The following GRHL2 variants were observed in gnomAD, a reference collection of about 807,000 sequenced individuals.
The protein encoded by GRHL2 is grainyhead-like protein 2 homolog.
A neutral mutation model predicts 83.8 loss-of-function variants in GRHL2; 21 were observed. The observed-to-expected ratio is 0.25, with a 90% CI of 0.18 to 0.36. The LOEUF (loss-of-function observed/expected upper bound fraction) is 0.36, where lower values mean the gene tolerates loss of function less well. Ranked by LOEUF, GRHL2 falls within the 10% of genes least tolerant of loss-of-function variation. GRHL2 has a pLI of 1.00. For synonymous variants in GRHL2, 280 were observed against 278.9 expected (o/e 1.00, Z -0.04); for missense variants, 623 against 781.8 (o/e 0.80, Z 2.42).
intron 15 of GRHL2, among the ~76,000 whole-genome samples, chr8:101,664,864 G>A (rs552952367): frequency 1.2e-4 from 19 of 152,210 alleles, no homozygotes; most frequent in Admixed American, 2.6e-4. Flanking sequence ...TGGCCCTTGG[G>A]GTTGGTTTCT....
chr8:101,541,148 GT>G (rs1216186774), intron 1 of GRHL2, among the ~76,000 whole-genome samples: 2 of 1,138 alleles, frequency 1.8e-3, no homozygotes, highest in Non-Finnish European at 6.1e-3. Context: ...CTATTTCATG[GT>G]GTGTGTGTGT....
At chr8:101,579,178 C>A (rs1317083711) in intron 7 of GRHL2, among the ~76,000 whole-genome samples, 1 of 152,256 alleles carries the variant, frequency 6.6e-6, no homozygotes, top group East Asian at 1.9e-4. Context: ...AGCAGAGGAA[C>A]AATTTTATTT....
chr8:101,540,585 G>A (rs2130113209), intron 1 of GRHL2, among the ~76,000 whole-genome samples: 1 of 152,232 alleles, frequency 6.6e-6, no homozygotes, highest in Non-Finnish European at 1.5e-5. Flanking sequence ...TTTCCCATCT[G>A]CCCCACCCCA....
intron 8 of GRHL2, among the ~76,000 whole-genome samples, chr8:101,604,290 A>G (rs1250090067): frequency 6.6e-6 from 1 of 152,172 alleles, no homozygotes; most frequent in East Asian, 1.9e-4. Flanking sequence ...GAGTTATTAA[A>G]GGGCTGTGAG....
At chr8:101,509,209 T>TG (rs1554581616) in intron 1 of GRHL2, among the ~76,000 whole-genome samples, 9 of 53,792 alleles carry the variant, frequency 1.7e-4, no homozygotes, top group African/African-American at 4.0e-4. Flanking sequence ...TTCTTTCTTC[T>TG]TGTGTGTGTG....
chr8:101,547,676 T>C lies in GRHL2; in HGVS notation c.216+4240T>C, dbSNP rs115427665. On this transcript the variant is annotated intron_variant, in intron 2 of 15. Transcript: ENST00000646743. Reference sequence around the variant, plus strand: ...CAGGACAATCCTGTATGTTTCCTAATAGCCATTGTTTTACAATGTCCACCA... The same window carrying C: ...CAGGACAATCCTGTATGTTTCCTAACAGCCATTGTTTTACAATGTCCACCA... Among the ~76,000 whole-genome samples the C allele has an allele frequency of 4.6e-3, 699 of 152,366 alleles. 3 individuals are homozygous for C. Among genetic ancestry groups the C allele is most frequent in the African/African-American group, 0.016 (647 of 41,592 alleles).
intron 1 of GRHL2, among the ~76,000 whole-genome samples, chr8:101,528,554 T>C (rs1810854081): frequency 6.6e-6 from 1 of 152,108 alleles, no homozygotes; most frequent in Non-Finnish European, 1.5e-5. Flanking sequence ...TGTGCCCTCA[T>C]TGCAAGGCAG....
intron 1 of GRHL2, among the ~76,000 whole-genome samples, chr8:101,514,586 G>A (rs1024144862): frequency 2.6e-5 from 4 of 152,182 alleles, no homozygotes; most frequent in Non-Finnish European, 5.9e-5. Flanking sequence ...ACAACCTCTG[G>A]CTGGGAGCAG....
In GRHL2 at chr8:101,666,750, C is replaced by G. The variant is rs371386921; in HGVS notation, c.*47C>G. The G allele has an allele frequency of 4.5e-6, 5 of 1,101,382 alleles. No homozygotes were observed. The East Asian group carries it at 1.2e-4, about 26-fold the overall frequency. 68.2% of individuals were successfully genotyped at this position (1,101,382 alleles called of 1,614,324 possible). On this transcript the variant is annotated 3_prime_UTR_variant, in exon 16 of 16. Coordinates refer to ENST00000646743, the MANE Select transcript of GRHL2 (RefSeq NM_024915.4). ...TGGCTGGAGCTCTCAGTGCGTTCCTCCCTGAGAGAGACAGAAGCCCCAGCC... is the reference window on the plus strand; with the variant it reads ...TGGCTGGAGCTCTCAGTGCGTTCCTGCCTGAGAGAGACAGAAGCCCCAGCC...
At chr8:101,532,864 G>A (rs536314339) in intron 1 of GRHL2, among the ~76,000 whole-genome samples, 1 of 152,176 alleles carries the variant, frequency 6.6e-6, no homozygotes, top group East Asian at 1.9e-4. Context: ...AGGTGGGGGA[G>A]AGGACAGTTG....
At chr8:101,532,076 C>G (rs1458861252) in intron 1 of GRHL2, among the ~76,000 whole-genome samples, 1 of 152,234 alleles carries the variant, frequency 6.6e-6, no homozygotes, top group Non-Finnish European at 1.5e-5. Context: ...ATTCATTTCA[C>G]TTCTAACATG....
intron 7 of GRHL2, among the ~76,000 whole-genome samples, chr8:101,591,325 T>C (rs1245339645): frequency 1.3e-5 from 2 of 152,180 alleles, no homozygotes; most frequent in East Asian, 3.9e-4. Context: ...ACCTCTTGTT[T>C]TCTTAGAAAG....
At chr8:101,555,184 C>T (rs608799) in intron 3 of GRHL2, among the ~76,000 whole-genome samples, 91,263 of 152,078 alleles carry the variant, frequency 0.6, 29,583 homozygotes, top group Non-Finnish European at 0.74. Flanking sequence ...TTTGGCAAAG[C>T]CAATGAGACT....
intron 3 of GRHL2, among the ~76,000 whole-genome samples, chr8:101,553,185 G>A (rs1811420427): frequency 1.3e-5 from 2 of 152,220 alleles, no homozygotes; most frequent in South Asian, 2.1e-4. Flanking sequence ...AAAGGAGGTT[G>A]GGCTCTTTCT....
intron 1 of GRHL2, among the ~76,000 whole-genome samples, chr8:101,495,188 C>T (rs559107742): frequency 1.2e-4 from 19 of 152,308 alleles, no homozygotes; most frequent in African/African-American, 4.6e-4. Flanking sequence ...TGAGAGGCTT[C>T]ATCAGCCTCA....
intron 12 of GRHL2, among the ~76,000 whole-genome samples, chr8:101,641,169 T>A (rs1168219050): frequency 6.6e-6 from 1 of 152,152 alleles, no homozygotes; most frequent in Non-Finnish European, 1.5e-5. Context: ...ATATTAAACA[T>A]CTTAAACTAG....
chr8:101,579,695 C>G (rs1812009927), intron 7 of GRHL2, among the ~76,000 whole-genome samples: 1 of 152,206 alleles, frequency 6.6e-6, no homozygotes, highest in Non-Finnish European at 1.5e-5. Context: ...AAAATCAAAT[C>G]ATGCATTTCT....
At chr8:101,633,968 G>A (rs1813235621) in intron 11 of GRHL2, among the ~76,000 whole-genome samples, 1 of 152,198 alleles carries the variant, frequency 6.6e-6, no homozygotes, top group African/African-American at 2.4e-5. Flanking sequence ...TTAATCTGAA[G>A]AGGAAAAGTG....
chr8:101,608,369 T>C (rs949674644), intron 8 of GRHL2, among the ~76,000 whole-genome samples: 1 of 152,200 alleles, frequency 6.6e-6, no homozygotes, highest in African/African-American at 2.4e-5. Flanking sequence ...GACAAGGGAA[T>C]AACCATTCCT....
Sources: gnomAD v4.1 joint callset for allele counts (sites outside exome capture counted in the v4.1 genomes callset) on GRCh38, gnomAD v4.1.1 for gene constraint, MANE v1.5 for transcripts, NCBI Gene and HGNC (gene_info 2026-07-23, HGNC 2026-07-21) for gene names.